The following PTPN14 variants were observed in gnomAD, a reference collection of about 807,000 sequenced individuals.
The protein encoded by PTPN14 is tyrosine-protein phosphatase non-receptor type 14.
PTPN14 carries 53 observed loss-of-function variants against 126.8 expected under a neutral mutation model. The observed-to-expected ratio is 0.42, with a 90% confidence interval of 0.34 to 0.53. PTPN14 has a LOEUF of 0.53. Ranked by LOEUF, PTPN14 falls within the 20% of genes least tolerant of loss-of-function variation. The pLI is 0.08. For missense variants in PTPN14, 1,257 were observed against 1,552.9 expected (o/e 0.81, Z 3.20); for synonymous variants, 630 against 599.3 (o/e 1.05, Z -0.75).
intron 3 of PTPN14, among the ~76,000 whole-genome samples, chr1:214,437,865 A>G (rs17022944): frequency 0.18 from 27,754 of 152,182 alleles, 2,648 homozygotes; most frequent in South Asian, 0.27. Flanking sequence ...ATCAGGATAC[A>G]GTTGTCTTCC....
intron 1 of PTPN14, among the ~76,000 whole-genome samples, chr1:214,494,428 TA>T (rs1309789862): frequency 6.6e-6 from 1 of 152,182 alleles, no homozygotes; most frequent in Non-Finnish European, 1.5e-5. Context: ...TCACACAGGC[TA>T]ATGTTCCCCA....
At chr1:214,458,056 T>TAG (rs1251547360) in intron 2 of PTPN14, among the ~76,000 whole-genome samples, 7 of 144,996 alleles carry the variant, frequency 4.8e-5, no homozygotes, top group Non-Finnish European at 5.9e-5. Context: ...GAGAGAGAGA[T>TAG]AGAGAGAGAG....
At chr1:214,429,999 T>C (rs1659762009) in intron 3 of PTPN14, among the ~76,000 whole-genome samples, 1 of 152,156 alleles carries the variant, frequency 6.6e-6, no homozygotes, top group Non-Finnish European at 1.5e-5. Flanking sequence ...CAGAAGGAGA[T>C]TTCATCCTGT....
chr1:214,514,526 T>C (rs1173666681), intron 1 of PTPN14, among the ~76,000 whole-genome samples: 3 of 152,148 alleles, frequency 2.0e-5, no homozygotes, highest in Admixed American at 6.5e-5. Context: ...AAGGTGCAGA[T>C]TGCCAACAGA....
Position 214,349,350 on chromosome 1 carries a change from T to G in PTPN14, c.*8572A>C, listed in dbSNP as rs1342309472. 1 of 152,232 alleles carries G rather than the reference T, an allele frequency of 6.6e-6. No homozygotes were observed. Among genetic ancestry groups the G allele is most frequent in the Non-Finnish European group, 1.5e-5 (1 of 68,028 alleles). 9.4% of individuals were successfully genotyped at this position (152,232 alleles called of 1,614,324 possible). A position where few individuals can be genotyped will look rare whatever the true frequency, so the allele number is the denominator to read the frequency against. On this transcript the variant is annotated 3_prime_UTR_variant, in exon 19 of 19. Transcript: ENST00000366956. ...CCATTTGGGCTGTGGTGGAGGTCAG[T>G]GGGCTTCTATGGGCTGACGCAAGAA...
At chr1:214,365,080 G>A (rs1210925070) in intron 17 of PTPN14, among the ~76,000 whole-genome samples, 1 of 152,070 alleles carries the variant, frequency 6.6e-6, no homozygotes, top group Non-Finnish European at 1.5e-5. Context: ...CCCTTGAAAC[G>A]CCCGCCTGTC....
chr1:214,506,026 C>T (rs1201257935), intron 1 of PTPN14, among the ~76,000 whole-genome samples: 3 of 152,118 alleles, frequency 2.0e-5, no homozygotes, highest in South Asian at 4.1e-4. Context: ...ACACTGGCCA[C>T]GTAACCATGC....
At chr1:214,436,051 T>C (rs1659906397) in intron 3 of PTPN14, among the ~76,000 whole-genome samples, 1 of 152,160 alleles carries the variant, frequency 6.6e-6, no homozygotes, top group Non-Finnish European at 1.5e-5. Context: ...CACCATGGAA[T>C]ACTATGCAGC....
intron 2 of PTPN14, among the ~76,000 whole-genome samples, chr1:214,460,735 T>C (rs938805693): frequency 5.9e-5 from 9 of 152,204 alleles, no homozygotes; most frequent in African/African-American, 2.2e-4. Context: ...TTGTTTCTTG[T>C]TTGTCCTGTT....
chr1:214,524,600 T>C (rs143684005), intron 1 of PTPN14, among the ~76,000 whole-genome samples: 275 of 152,166 alleles, frequency 1.8e-3, no homozygotes, highest in African/African-American at 6.3e-3. Flanking sequence ...TGCAGTGGGC[T>C]ATGATCGTGC....
At chr1:214,493,783 T>C (rs564392474) in intron 1 of PTPN14, among the ~76,000 whole-genome samples, 1 of 152,326 alleles carries the variant, frequency 6.6e-6, no homozygotes, top group South Asian at 2.1e-4. Flanking sequence ...AGATTTCAAA[T>C]GTGAAATGAC....
chr1:214,514,113 G>A (rs1655042998), intron 1 of PTPN14, among the ~76,000 whole-genome samples: 1 of 151,796 alleles, frequency 6.6e-6, no homozygotes, highest in African/African-American at 2.4e-5. Context: ...AGTTGACTCA[G>A]TAACTCCAGG....
chr1:214,422,792 G>C (rs1431866849), intron 3 of PTPN14, among the ~76,000 whole-genome samples: 1 of 152,178 alleles, frequency 6.6e-6, no homozygotes, highest in African/African-American at 2.4e-5. Context: ...ATGGGCACAA[G>C]TTCTTCCCTA....
At chr1:214,476,215 G>A (rs1473537297) in intron 1 of PTPN14, among the ~76,000 whole-genome samples, 3 of 152,202 alleles carry the variant, frequency 2.0e-5, no homozygotes, top group Non-Finnish European at 4.4e-5. Context: ...TGTGGAATGA[G>A]AGAACCTGAG....
At chr1:214,486,885 T>C (rs142974406) in intron 1 of PTPN14, among the ~76,000 whole-genome samples, 1 of 141,694 alleles carries the variant, frequency 7.1e-6, no homozygotes, top group East Asian at 2.1e-4. Context: ...ATGCTTTAAC[T>C]CTGGTACATC....
At chr1:214,531,284 A>AACTTGCTTCTCCCACACTTGC (rs1455204091) in intron 1 of PTPN14, 1 of 152,154 alleles carries the variant, frequency 6.6e-6, no homozygotes, top group Non-Finnish European at 1.5e-5. Flanking sequence ...TTCACACATC[A>AACTTGCTTCTCCCACACTTGC]ACTTGCTTCT....
At chr1:214,490,846 A>G (rs1430550999) in intron 1 of PTPN14, among the ~76,000 whole-genome samples, 4 of 46,650 alleles carry the variant, frequency 8.6e-5, no homozygotes, top group Non-Finnish European at 1.1e-4. Context: ...AAAGGAAAGG[A>G]AAGGAAGGGA....
intron 18 of PTPN14, among the ~76,000 whole-genome samples, chr1:214,362,207 A>G (rs1657971687): frequency 6.6e-6 from 1 of 152,240 alleles, no homozygotes; most frequent in Admixed American, 6.5e-5. Context: ...CCAGAACAAA[A>G]GGAGAGCATT....
At chr1:214,479,757 A>C (rs1306526310) in intron 1 of PTPN14, among the ~76,000 whole-genome samples, 1 of 152,216 alleles carries the variant, frequency 6.6e-6, no homozygotes, top group Non-Finnish European at 1.5e-5. Flanking sequence ...TATTTTACCT[A>C]AATATTTTAA....
Sources: gnomAD v4.1 joint callset for allele counts (sites outside exome capture counted in the v4.1 genomes callset) on GRCh38, gnomAD v4.1.1 for gene constraint, MANE v1.5 for transcripts, NCBI Gene and HGNC (gene_info 2026-07-23, HGNC 2026-07-21) for gene names.